The following MAGI1 variants were observed in gnomAD, a reference collection of about 807,000 sequenced individuals.
MAGI1 encodes membrane-associated guanylate kinase, WW and PDZ domain-containing protein 1.
MAGI1 carries 58 observed loss-of-function variants against 139.9 expected under a neutral mutation model. The observed-to-expected ratio is 0.41, with a 90% CI of 0.34 to 0.52. The LOEUF is 0.52. Ranked by LOEUF, MAGI1 falls within the 20% of genes least tolerant of loss-of-function variation. The pLI, the probability that MAGI1 is intolerant of heterozygous loss-of-function variation, is 0.12. For missense variants in MAGI1, 1,874 were observed against 1,901.6 expected (o/e 0.99, Z 0.27); for synonymous variants, 812 against 737.9 (o/e 1.10, Z -1.63).
In MAGI1 at chr3:65,502,087, G is replaced by A. The variant is rs192294894; in HGVS notation, c.431-8456C>T. On this transcript the variant is annotated intron_variant, in intron 2 of 22. Transcript: ENST00000402939. ...GGACACTGTTTTGTTTCTTGCCTGCGGTGGTGGTTGCACGACTGTGCTTTG... is the reference window on the plus strand; with the variant it reads ...GGACACTGTTTTGTTTCTTGCCTGCAGTGGTGGTTGCACGACTGTGCTTTG... 2.0e-4 allele frequency among the ~76,000 whole-genome samples: 31 copies of A among 152,274 alleles called. No homozygotes were observed. The East Asian group carries it at 2.5e-3, about 12-fold the overall frequency.
intron 22 of MAGI1, chr3:65,359,966 C>G: frequency 1.0e-6 from 1 of 985,384 alleles, no homozygotes; most frequent in Non-Finnish European, 1.2e-6. Context: ...AAGTTCAGTA[C>G]AGTGCACAGC....
chr3:65,598,031 C>T, intron 2 of MAGI1: 1 of 414,454 alleles, frequency 2.4e-6, no homozygotes, highest in Non-Finnish European at 4.8e-6. Flanking sequence ...GCAGGAGCAG[C>T]TGATGGTGCG....
At chr3:65,731,959 T>C (rs1315298832) in intron 1 of MAGI1, among the ~76,000 whole-genome samples, 1 of 152,226 alleles carries the variant, frequency 6.6e-6, no homozygotes, top group Non-Finnish European at 1.5e-5. Context: ...TTACTTGTGG[T>C]TCTGATATAA....
intron 1 of MAGI1, among the ~76,000 whole-genome samples, chr3:65,713,167 T>C (rs1266135341): frequency 6.6e-6 from 1 of 152,202 alleles, no homozygotes; most frequent in African/African-American, 2.4e-5. Flanking sequence ...CAGGCCCTGC[T>C]GTTTGTGGGC....
At chr3:65,830,170 T>C (rs1229124571) in intron 1 of MAGI1, among the ~76,000 whole-genome samples, 4 of 152,180 alleles carry the variant, frequency 2.6e-5, no homozygotes, top group Non-Finnish European at 1.5e-5. Flanking sequence ...ATTAAGGTCT[T>C]GGCACATACT....
intron 18 of MAGI1, among the ~76,000 whole-genome samples, chr3:65,367,465 T>C (rs1941539889): frequency 6.6e-6 from 1 of 152,158 alleles, no homozygotes; most frequent in Non-Finnish European, 1.5e-5. Context: ...AAAATTAACA[T>C]TTAGCATGGA....
At chr3:65,825,662 G>A (rs2042185576) in intron 1 of MAGI1, among the ~76,000 whole-genome samples, 1 of 152,164 alleles carries the variant, frequency 6.6e-6, no homozygotes, top group Non-Finnish European at 1.5e-5. Flanking sequence ...CATCAATGAG[G>A]AAAGGTGTCA....
chr3:65,419,613 T>G (rs1946497696), intron 12 of MAGI1, among the ~76,000 whole-genome samples: 1 of 152,190 alleles, frequency 6.6e-6, no homozygotes, highest in African/African-American at 2.4e-5. Flanking sequence ...GCTTTCACAA[T>G]TAACAAGTGT....
At position 65,678,308 on chromosome 3, in the gene MAGI1, C is replaced by T. The variant is rs552938293; in HGVS notation, c.314-56220G>A. ...TATGTTCTGCACATGGATCCCATAA[C>T]TTAAAGTATAATGATAAAAAAAGAA... On this transcript the variant is annotated intron_variant, in intron 1 of 22. Transcript: ENST00000402939. Among the ~76,000 whole-genome samples, 19 of 150,714 alleles carry T rather than the reference C, an allele frequency of 1.3e-4. No individual in the cohort carries two copies. The South Asian group carries it at 4.0e-3, about 32-fold the overall frequency.
intron 2 of MAGI1, among the ~76,000 whole-genome samples, chr3:65,555,465 G>A (rs2107989449): frequency 6.6e-6 from 1 of 152,288 alleles, no homozygotes; most frequent in South Asian, 2.1e-4. Context: ...GGATGGGGAG[G>A]TGAGCTCCTA....
chr3:65,931,322 C>T (rs527922944), intron 1 of MAGI1, among the ~76,000 whole-genome samples: 3 of 152,274 alleles, frequency 2.0e-5, no homozygotes, highest in South Asian at 2.1e-4. Flanking sequence ...CATGAGCCAC[C>T]GCACCCGGCC....
chr3:65,514,907 C>G (rs1055554710), intron 2 of MAGI1, among the ~76,000 whole-genome samples: 1 of 148,656 alleles, frequency 6.7e-6, no homozygotes, highest in African/African-American at 2.5e-5. Flanking sequence ...TTGGAACCAA[C>G]CCAAATGTCC....
intron 1 of MAGI1, among the ~76,000 whole-genome samples, chr3:65,683,904 C>A (rs2087787575): frequency 6.6e-6 from 1 of 150,750 alleles, no homozygotes; most frequent in Non-Finnish European, 1.5e-5. Flanking sequence ...AACTCACACT[C>A]ATGTAACTGC....
intron 1 of MAGI1, among the ~76,000 whole-genome samples, chr3:65,862,769 C>G (rs1330469945): frequency 6.6e-6 from 1 of 152,224 alleles, no homozygotes; most frequent in Non-Finnish European, 1.5e-5. Context: ...GCCTAGAGCC[C>G]TGAATCACCA....
chr3:65,654,289 G>A (rs1464369049), intron 1 of MAGI1, among the ~76,000 whole-genome samples: 4 of 152,074 alleles, frequency 2.6e-5, no homozygotes, highest in Admixed American at 6.6e-5. Context: ...GCTTTCACAC[G>A]TCATCCCCAA....
At chr3:65,570,894 A>T (rs1429441215) in intron 2 of MAGI1, among the ~76,000 whole-genome samples, 1 of 152,240 alleles carries the variant, frequency 6.6e-6, no homozygotes, top group Non-Finnish European at 1.5e-5. Context: ...ATGGTTCAAA[A>T]GAACTGCTAG....
chr3:65,922,833 T>C (rs562998709), intron 1 of MAGI1, among the ~76,000 whole-genome samples: 1 of 152,262 alleles, frequency 6.6e-6, no homozygotes, highest in African/African-American at 2.4e-5. Context: ...TTCTGTCAAA[T>C]AATAACCACT....
At chr3:65,481,273 AAAG>A (rs1435780684) in intron 3 of MAGI1, among the ~76,000 whole-genome samples, 1 of 152,228 alleles carries the variant, frequency 6.6e-6, no homozygotes, top group African/African-American at 2.4e-5. Context: ...ACACTTGAGC[AAAG>A]AAGAAATTAG....
chr3:66,028,997 G>C (rs1035362206), intron 1 of MAGI1, among the ~76,000 whole-genome samples: 6 of 152,152 alleles, frequency 3.9e-5, no homozygotes, highest in African/African-American at 1.4e-4. Flanking sequence ...TATGTGCCAA[G>C]CCCTGTGTCA....
Sources: allele counts gnomAD v4.1 joint callset (sites outside exome capture counted in the v4.1 genomes callset), GRCh38; gene constraint gnomAD v4.1.1; transcripts MANE v1.5; gene names NCBI Gene and HGNC (gene_info 2026-07-23, HGNC 2026-07-21).